Variants in ADARB2 observed in about 807,000 individuals in gnomAD.
The protein encoded by ADARB2 is inactive double-stranded RNA-specific editase B2.
ADARB2 carries 25 observed loss-of-function variants against 62.2 expected under a neutral mutation model. That is an observed-to-expected ratio of 0.40 (90% CI 0.29 to 0.56). ADARB2 has a LOEUF of 0.56. ADARB2 is among the 20% of genes least tolerant of loss of function. The probability of loss-of-function intolerance (pLI) is 0.43; values close to 1 mark genes in which losing one functional copy is unlikely to be tolerated. For missense variants in ADARB2, 1,071 were observed against 1,077.4 expected (o/e 0.99, Z 0.08); for synonymous variants, 572 against 500.8 (o/e 1.14, Z -1.90).
chr10:1,360,094 T>C (rs1832237998), intron 3 of ADARB2, among the ~76,000 whole-genome samples: 1 of 152,264 alleles, frequency 6.6e-6, no homozygotes, highest in African/African-American at 2.4e-5. Flanking sequence ...TTTGTGGTCC[T>C]GCACGTGGAA....
chr10:1,444,012 C>CCCATCCATCCATCCACCCAT (rs1564290430), intron 1 of ADARB2, among the ~76,000 whole-genome samples: 2 of 150,544 alleles, frequency 1.3e-5, no homozygotes, highest in African/African-American at 4.9e-5. Context: ...TGTCCATCCA[C>CCCATCCATCCATCCACCCAT]CCATCCATCC....
rs377431378 is a variant in ADARB2, at chr10:1,645,039, A to G, written c.100+92012T>C. 2.6e-5 allele frequency among the ~76,000 whole-genome samples: 4 copies of G among 152,226 alleles called. No homozygotes were observed. The East Asian group carries it at 7.7e-4, about 29-fold the overall frequency. On this transcript the variant is annotated intron_variant, in intron 1 of 9. Coordinates refer to ENST00000381312, the MANE Select transcript of ADARB2 (RefSeq NM_018702.4). ...GTGTTTATGTGGTCAGTGTATATAAAAGGAATGTTATTTTGCAAAAATGCC... is the reference window on the plus strand; with the variant it reads ...GTGTTTATGTGGTCAGTGTATATAAGAGGAATGTTATTTTGCAAAAATGCC...
chr10:1,409,084 C>G (rs1484352857), intron 1 of ADARB2, among the ~76,000 whole-genome samples: 1 of 152,246 alleles, frequency 6.6e-6, no homozygotes, highest in Non-Finnish European at 1.5e-5. Context: ...CTCAGTCTAC[C>G]CTGGACCCTT....
chr10:1,304,000 A>G (rs1417598709), intron 3 of ADARB2, among the ~76,000 whole-genome samples: 3 of 152,190 alleles, frequency 2.0e-5, no homozygotes, highest in Admixed American at 6.5e-5. Context: ...CATCATAATG[A>G]CAGGATCAAA....
intron 1 of ADARB2, among the ~76,000 whole-genome samples, chr10:1,635,423 G>A (rs939891564): frequency 2.6e-5 from 4 of 152,194 alleles, no homozygotes; most frequent in Non-Finnish European, 5.9e-5. Context: ...TATGAGCCTT[G>A]AGACCACAGC....
chr10:1,735,526 G>C (rs910968037), intron 1 of ADARB2, among the ~76,000 whole-genome samples: 1 of 152,220 alleles, frequency 6.6e-6, no homozygotes, highest in Non-Finnish European at 1.5e-5. Flanking sequence ...CAAGTGTAAA[G>C]ATGATGCTTC....
At chr10:1,380,657 T>C (rs954605581) in intron 1 of ADARB2, among the ~76,000 whole-genome samples, 1 of 152,198 alleles carries the variant, frequency 6.6e-6, no homozygotes, top group Non-Finnish European at 1.5e-5. Flanking sequence ...ACAGCTGTTG[T>C]TTCCAGTAGG....
At chr10:1,187,182 C>T (rs540554928) in intron 8 of ADARB2, among the ~76,000 whole-genome samples, 17 of 152,386 alleles carry the variant, frequency 1.1e-4, no homozygotes, top group African/African-American at 3.8e-4. Flanking sequence ...CAGCTGCCAC[C>T]CCGAGAGCCG....
At chr10:1,326,876 G>GCACAGCGCCTCCCCACT (rs1831858490) in intron 3 of ADARB2, among the ~76,000 whole-genome samples, 1 of 23,010 alleles carries the variant, frequency 4.3e-5, no homozygotes, top group African/African-American at 2.0e-4. Context: ...GCCTCCCCAC[G>GCACAGCGCCTCCCCACT]GCACAGCGCC....
chr10:1,672,709 C>T lies in ADARB2; in HGVS notation c.100+64342G>A, dbSNP rs369440164. 3.9e-3 allele frequency among the ~76,000 whole-genome samples: 416 copies of T among 107,164 alleles called. 8 individuals are homozygous for T. Among genetic ancestry groups the T allele is most frequent in the African/African-American group, 0.011 (389 of 35,798 alleles). 70.3% of individuals were successfully genotyped at this position (107,164 alleles called of 152,430 possible). A position where few individuals can be genotyped will look rare whatever the true frequency, so the allele number is the denominator to read the frequency against. ...TTCCCTTTCCTCCTTCCAGGCCCCC[C>T]GCCTGCCTCCTCCACGCACCGCAAG... On this transcript the variant is annotated intron_variant, in intron 1 of 9. Coordinates refer to ENST00000381312, the MANE Select transcript of ADARB2 (RefSeq NM_018702.4).
chr10:1,383,600 G>A (rs1447041978), intron 1 of ADARB2, among the ~76,000 whole-genome samples: 1 of 152,216 alleles, frequency 6.6e-6, no homozygotes, highest in African/African-American at 2.4e-5. Flanking sequence ...GAAGTATTAG[G>A]TGTTAGTGTA....
chr10:1,617,298 G>A (rs377415798), intron 1 of ADARB2, among the ~76,000 whole-genome samples: 16 of 87,190 alleles, frequency 1.8e-4, no homozygotes, highest in East Asian at 1.0e-3. Context: ...TTGTGTGCCC[G>A]TCCAGACACA....
chr10:1,532,937 G>A (rs1005505331), intron 1 of ADARB2, among the ~76,000 whole-genome samples: 48 of 152,246 alleles, frequency 3.2e-4, no homozygotes, highest in African/African-American at 1.1e-3. Flanking sequence ...GGCATCCAGC[G>A]GTGTCTGTAA....
At chr10:1,489,040 C>T (rs1047446330) in intron 1 of ADARB2, among the ~76,000 whole-genome samples, 1 of 152,362 alleles carries the variant, frequency 6.6e-6, no homozygotes, top group African/African-American at 2.4e-5. Context: ...TGCCAGCAAG[C>T]GCGACTGCGC....
At position 1,426,914 on chromosome 10, in the gene ADARB2, G is replaced by A. The variant is rs575250697; in HGVS notation, c.101-47754C>T. Reference sequence around the variant, plus strand: ...AACCTAAAGCAGTTGTGAAAGAGCCGGAGGACCCCTGTCCCCAAACCCTGC... The same window carrying A: ...AACCTAAAGCAGTTGTGAAAGAGCCAGAGGACCCCTGTCCCCAAACCCTGC... On this transcript the variant is annotated intron_variant, in intron 1 of 9. Coordinates refer to ENST00000381312, the MANE Select transcript of ADARB2 (RefSeq NM_018702.4). The surrounding 1 kb of genome is among the most constrained non-coding windows in gnomAD (Gnocchi z 4.1). Among the ~76,000 whole-genome samples the A allele has an allele frequency of 2.6e-5, 4 of 152,370 alleles. No homozygotes were observed. The highest frequency in any genetic ancestry group is 6.5e-5 in the Admixed American group (1 of 15,308).
Position 1,327,452 on chromosome 10 carries a change from C to A in ADARB2, c.1077+35576G>T, listed in dbSNP as rs113849683. On this transcript the variant is annotated intron_variant, in intron 3 of 9. Coordinates refer to ENST00000381312, the MANE Select transcript of ADARB2 (RefSeq NM_018702.4). ...CCACTGCCCAGCGCCTCCCCACGGC[C>A]CAGCGCCTCCTCACTGCACAGCGCC... 8.8e-3 allele frequency among the ~76,000 whole-genome samples: 81 copies of A among 9,228 alleles called. 8 individuals are homozygous for A. Among genetic ancestry groups the A allele is most frequent in the African/African-American group, 0.019 (42 of 2,256 alleles). The allele number at this position is 9,228 out of a possible 152,430, so 6.1% of individuals were successfully genotyped here.
rs554607763 is a variant in ADARB2, at chr10:1,183,754, G to A, written c.2044-385C>T. Among the ~76,000 whole-genome samples the A allele has an allele frequency of 2.0e-5, 3 of 152,276 alleles. No individual in the cohort carries two copies. The South Asian group carries it at 6.2e-4, about 32-fold the overall frequency. ...AGCAGGAGGATGATGGAGCTGGGGCGTTTCCTCTGTTAGCTTTCTGAGGTC... is the reference window on the plus strand; with the variant it reads ...AGCAGGAGGATGATGGAGCTGGGGCATTTCCTCTGTTAGCTTTCTGAGGTC... On this transcript the variant is annotated intron_variant, in intron 9 of 9. Coordinates refer to ENST00000381312, the MANE Select transcript of ADARB2 (RefSeq NM_018702.4).
chr10:1,728,142 T>C (rs766132317), intron 1 of ADARB2, among the ~76,000 whole-genome samples: 1 of 152,258 alleles, frequency 6.6e-6, no homozygotes, highest in Non-Finnish European at 1.5e-5. Context: ...GTGGTTGTTG[T>C]TTCTCTTTTA....
intron 1 of ADARB2, among the ~76,000 whole-genome samples, chr10:1,576,472 C>CGGTAGCA (rs1833023158): frequency 6.6e-6 from 1 of 152,144 alleles, no homozygotes. Flanking sequence ...CCTGCAAATA[C>CGGTAGCA]GGTAGCAGCA....
Sources: gnomAD v4.1 joint callset for allele counts (sites outside exome capture counted in the v4.1 genomes callset) on GRCh38, gnomAD v4.1.1 for gene constraint, Gnocchi (gnomAD v3.1) non-coding constraint, MANE v1.5 for transcripts, NCBI Gene and HGNC (gene_info 2026-07-23, HGNC 2026-07-21) for gene names.